Variants in RASGEF1B observed in about 807,000 individuals in gnomAD.
RASGEF1B encodes the protein RasGEF domain family member 1B.
A neutral mutation model predicts 65.7 loss-of-function variants in RASGEF1B; 30 were observed. The observed-to-expected ratio is 0.46, with a 90% CI of 0.34 to 0.62. RASGEF1B has a LOEUF of 0.62. Ranked by LOEUF, RASGEF1B falls within the 20% of genes least tolerant of loss-of-function variation. The pLI is 0.01. For missense variants in RASGEF1B, 495 were observed against 580.1 expected (o/e 0.85, Z 1.51); for synonymous variants, 175 against 194.8 (o/e 0.90, Z 0.85).
intron 2 of RASGEF1B, chr4:81,458,939 T>A (rs1008268230): frequency 5.1e-5 from 8 of 157,594 alleles, no homozygotes; most frequent in African/African-American, 1.7e-4. Flanking sequence ...TATACTTTCC[T>A]TGGTTACATT....
At chr4:81,468,058 C>G (rs549603772) in intron 1 of RASGEF1B, among the ~76,000 whole-genome samples, 14 of 152,210 alleles carry the variant, frequency 9.2e-5, no homozygotes, top group African/African-American at 3.4e-4. Flanking sequence ...TTTAAATATT[C>G]CCATATGACT....
chr4:81,454,695 T>C (rs1001409929), intron 4 of RASGEF1B: 1 of 152,200 alleles, frequency 6.6e-6, no homozygotes, highest in African/African-American at 2.4e-5. Flanking sequence ...AAAATGATTA[T>C]AACCGTCATA....
intron 1 of RASGEF1B, among the ~76,000 whole-genome samples, chr4:81,466,624 T>C (rs1218123107): frequency 1.3e-5 from 2 of 151,416 alleles, no homozygotes; most frequent in African/African-American, 4.9e-5. Flanking sequence ...CTGGGCGTGG[T>C]GGCGGGTGCC....
intron 13 of RASGEF1B, among the ~76,000 whole-genome samples, chr4:81,429,830 A>ACTGAGGGGAGCACGCTGG (rs1721358243): frequency 1.3e-5 from 2 of 151,956 alleles, no homozygotes; most frequent in Admixed American, 6.6e-5. Flanking sequence ...TCGAGAGGAC[A>ACTGAGGGGAGCACGCTGG]CTGAGGGGAG....
intron 4 of RASGEF1B, chr4:81,454,285 T>C (rs567997127): frequency 3.9e-5 from 6 of 152,362 alleles, no homozygotes; most frequent in Non-Finnish European, 8.8e-5. Flanking sequence ...ACCATCCATT[T>C]GGTATTTTCA....
chr4:81,435,449 C>A (rs1293794345), intron 10 of RASGEF1B, among the ~76,000 whole-genome samples: 2 of 137,814 alleles, frequency 1.5e-5, no homozygotes, highest in East Asian at 2.1e-4. Context: ...GAATACCTAT[C>A]ATTGCAGGCA....
At chr4:81,436,064 G>T (rs927703209) in intron 10 of RASGEF1B, among the ~76,000 whole-genome samples, 1 of 152,108 alleles carries the variant, frequency 6.6e-6, no homozygotes, top group Non-Finnish European at 1.5e-5. Context: ...TTACAGGCAT[G>T]AGCCACCAAG....
chr4:81,431,873 C>G (rs752420800), intron 13 of RASGEF1B, among the ~76,000 whole-genome samples: 23 of 152,182 alleles, frequency 1.5e-4, no homozygotes, highest in Admixed American at 3.3e-4. Flanking sequence ...AAAGAGGGGA[C>G]TGAGATCCAC....
intron 1 of RASGEF1B, among the ~76,000 whole-genome samples, chr4:81,469,520 T>C (rs779615815): frequency 4.6e-5 from 7 of 152,200 alleles, no homozygotes; most frequent in Non-Finnish European, 1.0e-4. Flanking sequence ...TATAGTCTAT[T>C]GTACTCTATT....
Position 81,456,686 on chromosome 4 carries a change from T to C in RASGEF1B, c.403A>G (p.Lys135Glu). The change falls in exon 4 of 14, where the codon AAA (lysine) becomes GAA (glutamate). Residue 135 changes from lysine (K) to glutamate (E), a missense_variant. Coordinates refer to ENST00000264400, the MANE Select transcript of RASGEF1B (RefSeq NM_152545.3). ...FRDERMMRNL[K>E]DLAHRIASGE... ...CTGGCTATTCGGTGAGCCAGATCTT[T>C]TAAGTTTCTCATCATTCTTTCATCC... 1.2e-6 allele frequency: 2 copies of C among 1,614,212 alleles called. No individual in the cohort carries two copies. Among genetic ancestry groups the C allele is most frequent in the Admixed American group, 1.7e-5 (1 of 60,034 alleles).
intron 1 of RASGEF1B, among the ~76,000 whole-genome samples, chr4:81,462,196 A>T (rs1193357621): frequency 2.6e-5 from 4 of 152,238 alleles, no homozygotes; most frequent in African/African-American, 9.6e-5. Flanking sequence ...AATAGTAACA[A>T]AACTACTTAT....
At chr4:81,460,014 T>C (rs1013304160) in intron 1 of RASGEF1B, among the ~76,000 whole-genome samples, 6 of 152,082 alleles carry the variant, frequency 3.9e-5, no homozygotes, top group Admixed American at 1.3e-4. Context: ...AGGCCTAGAG[T>C]TGAAGTATAC....
At chr4:81,441,125 T>C (rs913773228) in intron 9 of RASGEF1B, among the ~76,000 whole-genome samples, 196 bp from the exon 10 acceptor site, 1 of 152,228 alleles carries the variant, frequency 6.6e-6, no homozygotes, top group Admixed American at 6.5e-5. Flanking sequence ...GGTGTAATTA[T>C]GCGAGCTGAT....
intron 9 of RASGEF1B, among the ~76,000 whole-genome samples, chr4:81,441,249 T>A (rs1050437708): frequency 4.6e-5 from 7 of 152,150 alleles, no homozygotes; most frequent in African/African-American, 1.7e-4. Flanking sequence ...CCTGTTTGCA[T>A]CTGAAGGTCA....
intron 12 of RASGEF1B, 82 bp from the exon 13 acceptor site, chr4:81,432,453 G>T: frequency 1.2e-6 from 1 of 834,498 alleles, no homozygotes; most frequent in Non-Finnish European, 2.0e-6. Flanking sequence ...TTCGACTTGA[G>T]CCAAACTCCA....
At chr4:81,470,071 C>G (rs947103910) in intron 1 of RASGEF1B, among the ~76,000 whole-genome samples, 1 of 152,020 alleles carries the variant, frequency 6.6e-6, no homozygotes, top group Non-Finnish European at 1.5e-5. Context: ...GTTTGTAAAC[C>G]CTGATATCTG....
At chr4:81,457,847 T>C (rs1722502742) in intron 2 of RASGEF1B, among the ~76,000 whole-genome samples, 1 of 152,228 alleles carries the variant, frequency 6.6e-6, no homozygotes. Flanking sequence ...ACAGGATAAG[T>C]TTGGCTCCTG....
chr4:81,471,602 C>T (rs2110004578), intron 1 of RASGEF1B, among the ~76,000 whole-genome samples, 168 bp downstream of exon 1: 1 of 152,318 alleles, frequency 6.6e-6, no homozygotes, highest in East Asian at 1.9e-4. Flanking sequence ...CGGGATCTCC[C>T]GCCGCCTCGG....
intron 1 of RASGEF1B, among the ~76,000 whole-genome samples, chr4:81,466,771 AAAGAAAGAAAGAAAGAAAG>A (rs1722834932): frequency 1.5e-4 from 4 of 26,732 alleles, no homozygotes; most frequent in African/African-American, 5.0e-4. Context: ...AAAAAAAAAA[AAAGAAAGAAAGAAAGAAAG>A]AAAGAAAGAA....
Sources: allele counts gnomAD v4.1 joint callset (sites outside exome capture counted in the v4.1 genomes callset), GRCh38; gene constraint gnomAD v4.1.1; transcripts MANE v1.5; gene names NCBI Gene and HGNC (gene_info 2026-07-23, HGNC 2026-07-21).